ADAMTSL1: variants seen among roughly 807,000 people sequenced by gnomAD.
ADAMTSL1 encodes the protein ADAMTS like 1.
Under a neutral mutation model 201.8 loss-of-function variants are expected in ADAMTSL1, and 126 were observed. That is an observed-to-expected ratio of 0.62 (90% CI 0.54 to 0.72). ADAMTSL1 has a LOEUF of 0.72. Ranked by LOEUF, ADAMTSL1 falls within the 30% of genes least tolerant of loss-of-function variation. The pLI is 0.00. For synonymous variants in ADAMTSL1, 1,121 were observed against 903.4 expected, an observed-to-expected ratio of 1.24 and a Z score of -4.32; for missense variants, 2,679 against 2,277.8, an observed-to-expected ratio of 1.18 and a Z score of -3.59.
intron 3 of ADAMTSL1, among the ~76,000 whole-genome samples, chr9:18,536,759 C>G (rs1019370110): frequency 6.6e-6 from 1 of 152,146 alleles, no homozygotes; most frequent in African/African-American, 2.4e-5. Flanking sequence ...GCAAACCAGT[C>G]AAACAGGTCA....
At chr9:18,282,529 C>G (rs1023894836) in intron 2 of ADAMTSL1, among the ~76,000 whole-genome samples, 1 of 152,154 alleles carries the variant, frequency 6.6e-6, no homozygotes, top group Non-Finnish European at 1.5e-5. Context: ...AAAATTTCAG[C>G]TCTTTAAAAT....
chr9:18,554,564 C>T (rs1246387205), intron 3 of ADAMTSL1, among the ~76,000 whole-genome samples: 1 of 151,700 alleles, frequency 6.6e-6, no homozygotes. Flanking sequence ...TGTCATGAGT[C>T]CTATTGTTAG....
At chr9:18,639,008 T>C (rs1202199054) in intron 6 of ADAMTSL1, among the ~76,000 whole-genome samples, 5 of 152,070 alleles carry the variant, frequency 3.3e-5, no homozygotes. Flanking sequence ...GAGTCAAAGA[T>C]TTTTTTGACA....
intron 1 of ADAMTSL1, among the ~76,000 whole-genome samples, chr9:17,976,558 A>G (rs143500925): frequency 7.2e-5 from 11 of 152,080 alleles, no homozygotes; most frequent in Middle Eastern, 3.4e-3. Context: ...GTGTACAGAA[A>G]CATAGCTGGT....
chr9:17,972,691 G>T (rs1434025870), intron 1 of ADAMTSL1, among the ~76,000 whole-genome samples: 1 of 151,268 alleles, frequency 6.6e-6, no homozygotes, highest in South Asian at 2.1e-4. Context: ...TAATGGGATG[G>T]CTGGGTCAAA....
Position 18,291,823 on chromosome 9 carries a change from TC to T in ADAMTSL1, c.207+127844del, listed in dbSNP as rs1162882700. ...AGTCTCCTTAAATTCTGTTTCAGAG[TC>T]CAGAAAGCATACCTCTAGACACTAA... On this transcript the variant is annotated intron_variant, in intron 2 of 29. Transcript: ENST00000680146. 3.3e-5 allele frequency among the ~76,000 whole-genome samples: 5 copies of T among 149,918 alleles called. No individual in the cohort carries two copies. The South Asian group carries it at 6.3e-4, about 19-fold the overall frequency.
chr9:18,733,650 C>T (rs1197119465), intron 15 of ADAMTSL1, among the ~76,000 whole-genome samples: 4 of 139,226 alleles, frequency 2.9e-5, no homozygotes, highest in Non-Finnish European at 4.7e-5. Flanking sequence ...CACACTCACT[C>T]GCTCACTCTC....
chr9:18,586,464 A>G (rs1564070258), intron 4 of ADAMTSL1, among the ~76,000 whole-genome samples: 1 of 152,308 alleles, frequency 6.6e-6, no homozygotes, highest in Admixed American at 6.5e-5. Flanking sequence ...AAATGAAAAA[A>G]CATTCCATGC....
At chr9:17,967,754 C>T (rs184735831) in intron 1 of ADAMTSL1, among the ~76,000 whole-genome samples, 22 of 152,098 alleles carry the variant, frequency 1.4e-4, no homozygotes, top group African/African-American at 5.3e-4. Flanking sequence ...ATGGTAACTG[C>T]TTTTCTGAAA....
At chr9:18,059,120 A>G (rs919522625) in intron 1 of ADAMTSL1, among the ~76,000 whole-genome samples, 7 of 152,126 alleles carry the variant, frequency 4.6e-5, no homozygotes, top group African/African-American at 1.7e-4. Context: ...CCAGTTTTCC[A>G]TCAAATTCTG....
intron 23 of ADAMTSL1, among the ~76,000 whole-genome samples, chr9:18,871,975 C>T (rs956777815): frequency 6.6e-6 from 1 of 152,172 alleles, no homozygotes; most frequent in African/African-American, 2.4e-5. Context: ...TCCATTACAA[C>T]TCCTACCCAC....
intron 19 of ADAMTSL1, among the ~76,000 whole-genome samples, chr9:18,787,920 T>C (rs1821796001): frequency 6.6e-6 from 1 of 152,060 alleles, no homozygotes; most frequent in South Asian, 2.1e-4. Flanking sequence ...TATTAGCAAA[T>C]TCAAGACTCT....
chr9:18,671,973 T>C (rs1049623326), intron 9 of ADAMTSL1, among the ~76,000 whole-genome samples: 1 of 151,198 alleles, frequency 6.6e-6, no homozygotes, highest in African/African-American at 2.4e-5. Context: ...AGAGGAGGAG[T>C]TTGCAGTGAG....
At chr9:18,482,278 A>C (rs1406658822) in intron 1 of ADAMTSL1, among the ~76,000 whole-genome samples, 5 of 152,214 alleles carry the variant, frequency 3.3e-5, no homozygotes, top group Non-Finnish European at 7.3e-5. Flanking sequence ...ACCACCTGTG[A>C]ATTATTTGGG....
chr9:18,534,487 A>C (rs1819632821), intron 3 of ADAMTSL1, among the ~76,000 whole-genome samples: 1 of 152,212 alleles, frequency 6.6e-6, no homozygotes, highest in African/African-American at 2.4e-5. Flanking sequence ...TAGAGTGATA[A>C]GTTGAAGCGG....
Position 18,748,606 on chromosome 9 carries a change from G to C in ADAMTSL1, c.2007-4692G>C, listed in dbSNP as rs150067211. On this transcript the variant is annotated intron_variant, in intron 15 of 28. Coordinates refer to ENST00000380548, the MANE Select transcript of ADAMTSL1 (RefSeq NM_001040272.6). ...TCAGAGCTCCTGGGACCTTGAAGTT[G>C]GGAGTAAACAGTTGTGTAGAGGACA... Among the ~76,000 whole-genome samples the C allele has an allele frequency of 2.3e-4, 35 of 152,218 alleles. No individual in the cohort carries two copies. In the East Asian group the frequency reaches 6.4e-3, roughly 28 times the overall value.
At chr9:18,077,861 T>C (rs1823301806) in intron 1 of ADAMTSL1, among the ~76,000 whole-genome samples, 1 of 152,182 alleles carries the variant, frequency 6.6e-6, no homozygotes, top group African/African-American at 2.4e-5. Flanking sequence ...TAGCCTTTTA[T>C]GCAGGAGTTG....
At chr9:18,343,339 C>A (rs1835556555) in intron 2 of ADAMTSL1, among the ~76,000 whole-genome samples, 1 of 152,006 alleles carries the variant, frequency 6.6e-6, no homozygotes, top group Non-Finnish European at 1.5e-5. Flanking sequence ...CTTTCCTTTT[C>A]ACCCTCTCTC....
At chr9:18,374,708 T>G (rs1837206601) in intron 2 of ADAMTSL1, among the ~76,000 whole-genome samples, 1 of 152,198 alleles carries the variant, frequency 6.6e-6, no homozygotes, top group African/African-American at 2.4e-5. Flanking sequence ...GCAAACGCAT[T>G]GTACAAATGA....
Sources: allele counts gnomAD v4.1 joint callset (sites outside exome capture counted in the v4.1 genomes callset), GRCh38; gene constraint gnomAD v4.1.1; transcripts MANE v1.5; gene names NCBI Gene and HGNC (gene_info 2026-07-23, HGNC 2026-07-21).